RBMS3: variants seen among roughly 807,000 people sequenced by gnomAD.
RBMS3 encodes RNA-binding motif, single-stranded-interacting protein 3.
A neutral mutation model predicts 66.8 loss-of-function variants in RBMS3; 27 were observed. The ratio of observed to expected loss-of-function variants is 0.40; its 90% CI spans 0.30 to 0.56. The LOEUF is 0.56. Ranked by LOEUF, RBMS3 falls within the 20% of genes least tolerant of loss-of-function variation. RBMS3 has a pLI of 0.40. For missense variants in RBMS3, 513 were observed against 549.5 expected, an observed-to-expected ratio of 0.93 and a Z score of 0.66; for synonymous variants, 188 against 183.0, an observed-to-expected ratio of 1.03 and a Z score of -0.22.
At chr3:29,715,294 C>T (rs1028420060) in intron 4 of RBMS3, among the ~76,000 whole-genome samples, 1 of 151,958 alleles carries the variant, frequency 6.6e-6, no homozygotes, top group African/African-American at 2.4e-5. Context: ...GCCAGCAGCT[C>T]GGTGATATTG....
At chr3:29,816,852 G>A (rs899311394) in intron 6 of RBMS3, among the ~76,000 whole-genome samples, 1 of 152,102 alleles carries the variant, frequency 6.6e-6, no homozygotes, top group Non-Finnish European at 1.5e-5. Flanking sequence ...AGCACTTTGG[G>A]AGACCCAGGA....
chr3:29,405,058 C>T (rs1575725696), intron 1 of RBMS3, among the ~76,000 whole-genome samples: 1 of 152,114 alleles, frequency 6.6e-6, no homozygotes, highest in East Asian at 1.9e-4. Context: ...TGTGCTTAGT[C>T]ACTTCTTGCC....
rs916619600 is a variant in RBMS3, at chr3:29,775,270, T to A, written c.637+12281T>A. On this transcript the variant is annotated intron_variant, in intron 6 of 14. Transcript: ENST00000383767. Reference sequence around the variant, plus strand: ...TATTTTTTTATTTTTTATTTATTTTTTTTTTTTGGTAAACAAGCATTCAGG... The same window carrying A: ...TATTTTTTTATTTTTTATTTATTTTATTTTTTTGGTAAACAAGCATTCAGG... Among the ~76,000 whole-genome samples, 159 of 151,524 alleles carry A rather than the reference T, an allele frequency of 1.0e-3. 1 individual carries two copies. The highest frequency in any genetic ancestry group is 1.5e-3 in the Non-Finnish European group (103 of 67,898).
At chr3:29,755,148 C>A (rs1193229360) in intron 5 of RBMS3, among the ~76,000 whole-genome samples, 2 of 152,106 alleles carry the variant, frequency 1.3e-5, no homozygotes, top group African/African-American at 4.8e-5. Context: ...CACTTTATCT[C>A]AGATTATTTA....
intron 6 of RBMS3, among the ~76,000 whole-genome samples, chr3:29,795,345 C>A (rs530446755): frequency 6.6e-6 from 1 of 152,332 alleles, no homozygotes; most frequent in South Asian, 2.1e-4. Context: ...CCTCTGAAAA[C>A]CTCCAGGCTG....
At chr3:29,641,649 T>C (rs2049719143) in intron 4 of RBMS3, among the ~76,000 whole-genome samples, 1 of 152,110 alleles carries the variant, frequency 6.6e-6, no homozygotes, top group Admixed American at 6.6e-5. Context: ...GAAAAAGATT[T>C]GGCCACTTGT....
intron 4 of RBMS3, among the ~76,000 whole-genome samples, chr3:29,596,833 A>T (rs1057502512): frequency 6.6e-6 from 1 of 152,210 alleles, no homozygotes; most frequent in Non-Finnish European, 1.5e-5. Flanking sequence ...GAATTAATGA[A>T]TATGGGAATG....
chr3:29,406,107 T>G (rs1474204882), intron 1 of RBMS3, among the ~76,000 whole-genome samples: 1 of 152,210 alleles, frequency 6.6e-6, no homozygotes, highest in Non-Finnish European at 1.5e-5. Context: ...TTGTGATGTT[T>G]GCCTAGAGGC....
intron 6 of RBMS3, among the ~76,000 whole-genome samples, chr3:29,815,168 T>A (rs1325448351): frequency 6.6e-6 from 1 of 152,188 alleles, no homozygotes; most frequent in Non-Finnish European, 1.5e-5. Context: ...TAAGAGCACA[T>A]TTAGTTGCCA....
intron 6 of RBMS3, among the ~76,000 whole-genome samples, chr3:29,820,438 T>A (rs2058049220): frequency 2.0e-5 from 3 of 151,898 alleles, no homozygotes; most frequent in Non-Finnish European, 4.4e-5. Flanking sequence ...TGAATCTATT[T>A]GATAGATTCC....
At chr3:29,473,728 C>G (rs911235626) in intron 2 of RBMS3, among the ~76,000 whole-genome samples, 2 of 152,224 alleles carry the variant, frequency 1.3e-5, no homozygotes, top group Non-Finnish European at 2.9e-5. Context: ...GTACACCCTC[C>G]GCAGCTGCTG....
In RBMS3 at chr3:29,788,825, T is replaced by C. The variant is rs79250208; in HGVS notation, c.637+25836T>C. Among the ~76,000 whole-genome samples the C allele has an allele frequency of 7.1e-3, 1,084 of 152,280 alleles. 19 individuals carry two copies. The highest frequency in any genetic ancestry group is 0.025 in the African/African-American group (1,031 of 41,550). ...GATAACTTTTGCCAAATTATTTTCC[T>C]CATAGGTTATCCTAAGTCACACCCA... On this transcript the variant is annotated intron_variant, in intron 6 of 14. Coordinates refer to ENST00000383767, the MANE Select transcript of RBMS3 (RefSeq NM_001003793.3).
Position 29,441,300 on chromosome 3 carries a change from A to G in RBMS3, c.248+6385A>G, listed in dbSNP as rs1351469790. On this transcript the variant is annotated intron_variant, in intron 2 of 14. Transcript: ENST00000383767. ...AGATTTGGGCAAAATTATGTTTGCC[A>G]AGCATCTGCTGTAAACTAGACATAG... 6.6e-5 allele frequency among the ~76,000 whole-genome samples: 10 copies of G among 152,190 alleles called. No homozygotes were observed. The East Asian group carries it at 1.9e-3, about 29-fold the overall frequency.
intron 4 of RBMS3, among the ~76,000 whole-genome samples, chr3:29,649,801 A>AT (rs1336396916): frequency 2.0e-5 from 3 of 152,222 alleles, no homozygotes; most frequent in Non-Finnish European, 2.9e-5. Context: ...TTCTCCAAAG[A>AT]TAAAATTTTA....
At chr3:29,880,652 T>G (rs570657827) in intron 7 of RBMS3, 16 of 774,572 alleles carry the variant, frequency 2.1e-5, no homozygotes, top group Non-Finnish European at 3.5e-5. Context: ...TTAGTTATTG[T>G]GCTATTATAT....
chr3:29,809,894 A>C (rs1378210846), intron 6 of RBMS3, among the ~76,000 whole-genome samples: 4 of 152,208 alleles, frequency 2.6e-5, no homozygotes, highest in Admixed American at 2.6e-4. Flanking sequence ...TTTCAAGTAA[A>C]AATTCTGTTG....
chr3:29,587,025 C>A, intron 3 of RBMS3, 89 bp from the exon 4 acceptor site: 2 of 958,676 alleles, frequency 2.1e-6, no homozygotes, highest in Non-Finnish European at 3.2e-6. Context: ...GAAATGAATG[C>A]AAGTCTATCT....
intron 2 of RBMS3, among the ~76,000 whole-genome samples, chr3:29,479,010 T>A (rs1347772): frequency 6.6e-6 from 1 of 151,874 alleles, no homozygotes; most frequent in Non-Finnish European, 1.5e-5. Flanking sequence ...CCAGAGGACT[T>A]AATTTTATCT....
At chr3:29,613,037 G>A (rs984958869) in intron 4 of RBMS3, among the ~76,000 whole-genome samples, 6 of 152,040 alleles carry the variant, frequency 3.9e-5, no homozygotes, top group South Asian at 2.1e-4. Flanking sequence ...GGCTGCATTC[G>A]TGTGTGTATG....
Sources: gnomAD v4.1 joint callset for allele counts (sites outside exome capture counted in the v4.1 genomes callset) on GRCh38, gnomAD v4.1.1 for gene constraint, MANE v1.5 for transcripts, NCBI Gene and HGNC (gene_info 2026-07-23, HGNC 2026-07-21) for gene names.